DRGX: variants seen among roughly 807,000 people sequenced by gnomAD.
DRGX encodes dorsal root ganglia homeobox protein.
DRGX carries 21 observed loss-of-function variants against 28.6 expected under a neutral mutation model. That is an observed-to-expected ratio of 0.73 (90% CI 0.52 to 1.06). DRGX has a LOEUF of 1.06. Ranked by LOEUF, DRGX falls within the 50% of genes least tolerant of loss-of-function variation. The pLI is 0.00. For missense variants in DRGX, 354 were observed against 343.9 expected, an observed-to-expected ratio of 1.03 and a Z score of -0.23; for synonymous variants, 136 against 139.1, an observed-to-expected ratio of 0.98 and a Z score of 0.16.
At chr10:49,390,537 A>G (rs1849891280) in intron 3 of DRGX, among the ~76,000 whole-genome samples, 1 of 152,212 alleles carries the variant, frequency 6.6e-6, no homozygotes, top group Non-Finnish European at 1.5e-5. Flanking sequence ...AAAAACTAAC[A>G]GTCACCTTAT....
intron 4 of DRGX, among the ~76,000 whole-genome samples, chr10:49,388,811 T>C (rs1232729900): frequency 6.6e-6 from 1 of 152,212 alleles, no homozygotes; most frequent in African/African-American, 2.4e-5. Flanking sequence ...GGTATAAATG[T>C]AAACACATCT....
chr10:49,391,055 T>C, intron 3 of DRGX, 109 bp downstream of exon 3: 1 of 1,205,166 alleles, frequency 8.3e-7, no homozygotes, highest in Non-Finnish European at 1.2e-6. Context: ...AAAGATTCAG[T>C]TAGCATAATC....
intron 6 of DRGX, among the ~76,000 whole-genome samples, chr10:49,367,309 G>A (rs1849611679): frequency 6.6e-6 from 1 of 152,114 alleles, no homozygotes; most frequent in African/African-American, 2.4e-5. Flanking sequence ...GGTACAGTGA[G>A]CCATGATTGC....
chr10:49,390,722 A>C (rs1300188422), intron 3 of DRGX, among the ~76,000 whole-genome samples: 1 of 152,228 alleles, frequency 6.6e-6, no homozygotes. Flanking sequence ...GAAAAAGCCC[A>C]GCTCTGGGAA....
At chr10:49,388,864 C>T (rs546692486) in intron 4 of DRGX, among the ~76,000 whole-genome samples, 2 of 152,338 alleles carry the variant, frequency 1.3e-5, no homozygotes, top group African/African-American at 4.8e-5. Flanking sequence ...TGGAGGCTCA[C>T]TAAACAAGCG....
rs763180278 is a variant in DRGX, at chr10:49,391,318, C to G, written c.35-57G>C. 3 of 1,465,592 alleles carry G rather than the reference C, an allele frequency of 2.0e-6. No homozygotes were observed. In the African/African-American group the frequency reaches 4.2e-5, roughly 20 times the overall value. 90.8% of individuals were successfully genotyped at this position (1,465,592 alleles called of 1,614,324 possible). ...GAAGGGGCCCCAGTCCTCAGACCGC[C>G]CCCAGACACAGTTCAGAGGGCACCC... On this transcript the variant is annotated intron_variant, in intron 2 of 6. Coordinates refer to ENST00000374139, the MANE Select transcript of DRGX (RefSeq NM_001276451.2).
chr10:49,376,913 A>C (rs1160164892), intron 6 of DRGX, among the ~76,000 whole-genome samples: 1 of 151,572 alleles, frequency 6.6e-6, no homozygotes, highest in African/African-American at 2.4e-5. Flanking sequence ...CATGACTGTC[A>C]CCTGAACTAG....
rs77962213 is a variant in DRGX, at chr10:49,386,270, A to G, written c.526+208T>C. On this transcript the variant is annotated intron_variant, in intron 6 of 6. Coordinates refer to ENST00000374139, the MANE Select transcript of DRGX (RefSeq NM_001276451.2). ...GCCCTCTGTGGGTGGAATGATGCTT[A>G]GGACATTCTCTCTATGCTCAGGACG... Among the ~76,000 whole-genome samples the G allele has an allele frequency of 1.4e-4, 21 of 152,314 alleles. No individual in the cohort carries two copies. The East Asian group carries it at 4.1e-3, about 29-fold the overall frequency.
At chr10:49,374,404 C>T (rs975176325) in intron 6 of DRGX, among the ~76,000 whole-genome samples, 2 of 152,160 alleles carry the variant, frequency 1.3e-5, no homozygotes, top group Admixed American at 1.3e-4. Flanking sequence ...GTCAGTGAGT[C>T]CCTTCCTGCC....
chr10:49,375,711 T>C (rs1849709426), intron 6 of DRGX, among the ~76,000 whole-genome samples: 1 of 152,118 alleles, frequency 6.6e-6, no homozygotes, highest in Non-Finnish European at 1.5e-5. Flanking sequence ...CCAGTGCACA[T>C]GTTCTTTTTC....
rs1368466415 is a variant in DRGX, at chr10:49,366,271, C to T, written c.637G>A (p.Ala213Thr). 6 of 1,613,804 alleles carry T rather than the reference C, an allele frequency of 3.7e-6. No individual in the cohort carries two copies. The highest frequency in any genetic ancestry group is 3.3e-5 in the Admixed American group (2 of 60,000). Residue 213 changes from alanine to threonine, a missense_variant, in exon 7 of 7, where the codon GCC becomes ACC. By Grantham distance (58) the Ala-to-Thr change is moderately conservative. Coordinates refer to ENST00000374139, the MANE Select transcript of DRGX (RefSeq NM_001276451.2). Reference sequence around the variant, plus strand: ...AGGACAGCTTCTGAGTGCTCGCGGGCCTTCATGCGCAGGGTGGCCACGCTG... The same window carrying T: ...AGGACAGCTTCTGAGTGCTCGCGGGTCTTCATGCGCAGGGTGGCCACGCTG... ...TASVATLRMK[A>T]REHSEAVLQS...
chr10:49,392,028 G>T (rs905164187), intron 2 of DRGX, among the ~76,000 whole-genome samples: 24 of 152,178 alleles, frequency 1.6e-4, no homozygotes, highest in African/African-American at 5.3e-4. Context: ...GAAAGACATT[G>T]TCCTCCCCAG....
intron 6 of DRGX, among the ~76,000 whole-genome samples, chr10:49,379,558 C>A (rs900625328): frequency 6.6e-6 from 1 of 152,204 alleles, no homozygotes; most frequent in Non-Finnish European, 1.5e-5. Flanking sequence ...TGTGGACAAA[C>A]GCTATGGCCA....
chr10:49,367,460 A>G (rs1849613198), intron 6 of DRGX, among the ~76,000 whole-genome samples: 1 of 152,238 alleles, frequency 6.6e-6, no homozygotes, highest in African/African-American at 2.4e-5. Context: ...AATGGCTACT[A>G]AGTTGTCAGG....
chr10:49,379,328 T>G (rs866633840), intron 6 of DRGX, among the ~76,000 whole-genome samples: 3 of 152,248 alleles, frequency 2.0e-5, no homozygotes, highest in South Asian at 4.1e-4. Flanking sequence ...GCCATTTGGA[T>G]GCTTGAAACC....
rs547371860 is a variant in DRGX at position 49,381,509 on chromosome 10, C to A, written c.526+4969G>T. ...AACCCTGCTGTGCTAGCATCCCCAGCTCTCTCAATATGTGGAGGCTCTCTC... is the reference window on the plus strand; with the variant it reads ...AACCCTGCTGTGCTAGCATCCCCAGATCTCTCAATATGTGGAGGCTCTCTC... On this transcript the variant is annotated intron_variant, in intron 6 of 6. Coordinates refer to ENST00000374139, the MANE Select transcript of DRGX (RefSeq NM_001276451.2). Among the ~76,000 whole-genome samples, 3 of 152,368 alleles carry A rather than the reference C, an allele frequency of 2.0e-5. No individual in the cohort carries two copies. The South Asian group carries it at 6.2e-4, about 32-fold the overall frequency.
At chr10:49,368,018 C>T (rs976316870) in intron 6 of DRGX, among the ~76,000 whole-genome samples, 26 of 152,202 alleles carry the variant, frequency 1.7e-4, no homozygotes, top group Admixed American at 1.6e-3. Context: ...AGACAGCCTT[C>T]CTAATGCCAA....
In DRGX at chr10:49,395,521, G is replaced by A; in HGVS notation, c.-81C>T. On this transcript the variant is annotated splice_region_variant and 5_prime_UTR_variant, in exon 2 of 7. Transcript: ENST00000374139. ...GACCCGCGCGCGTTGCTCCTGCCTG[G>A]CTGCAAAGCAAACAGCGATAGAGCT... 1.0e-5 allele frequency: 15 copies of A among 1,480,340 alleles called. No individual in the cohort carries two copies. The highest frequency in any genetic ancestry group is 1.3e-5 in the Non-Finnish European group (14 of 1,087,178). 91.7% of individuals were successfully genotyped at this position (1,480,340 alleles called of 1,614,324 possible).
intron 2 of DRGX, among the ~76,000 whole-genome samples, chr10:49,394,586 C>A (rs1849945313): frequency 6.6e-6 from 1 of 152,200 alleles, no homozygotes; most frequent in Non-Finnish European, 1.5e-5. Context: ...CTAATTGGCC[C>A]CCTGATGTGA....
Sources: gnomAD v4.1 joint callset for allele counts (sites outside exome capture counted in the v4.1 genomes callset) on GRCh38, gnomAD v4.1.1 for gene constraint, MANE v1.5 for transcripts, NCBI Gene and HGNC (gene_info 2026-07-23, HGNC 2026-07-21) for gene names.